SOX5: variants seen among roughly 807,000 people sequenced by gnomAD.
SOX5 encodes transcription factor SOX-5.
In SOX5, 9 loss-of-function variants were observed where a neutral mutation model predicts 92.0. The ratio of observed to expected loss-of-function variants is 0.10; its 90% CI spans 0.06 to 0.17. The LOEUF is 0.17. Among genes scored for constraint, SOX5 ranks in the 10% least tolerant of loss-of-function variants. The pLI is 1.00. For missense variants in SOX5, 642 were observed against 944.5 expected, an observed-to-expected ratio of 0.68 and a Z score of 4.20; for synonymous variants, 344 against 336.3, an observed-to-expected ratio of 1.02 and a Z score of -0.25.
chr12:24,228,111 G>C (rs1382936853), intron 3 of SOX5, among the ~76,000 whole-genome samples: 1 of 152,206 alleles, frequency 6.6e-6, no homozygotes, highest in African/African-American at 2.4e-5. Flanking sequence ...CCGGGTCTCA[G>C]AGAGAGCTCT....
intron 1 of SOX5, among the ~76,000 whole-genome samples, chr12:24,381,571 AT>A (rs1957828594): frequency 6.6e-6 from 1 of 152,204 alleles, no homozygotes; most frequent in Non-Finnish European, 1.5e-5. Flanking sequence ...TTCTAAAAAA[AT>A]CTCAATTAGT....
chr12:24,123,860 C>T (rs185738142), intron 4 of SOX5, among the ~76,000 whole-genome samples: 29 of 152,248 alleles, frequency 1.9e-4, no homozygotes, highest in Admixed American at 1.6e-3. Flanking sequence ...GTATTGAGCA[C>T]CAGGGTTGAG....
chr12:24,043,450 T>A (rs1000244451), intron 4 of SOX5, among the ~76,000 whole-genome samples: 2 of 152,220 alleles, frequency 1.3e-5, no homozygotes, highest in African/African-American at 4.8e-5. Context: ...TAAATATATA[T>A]GCTAATGTTT....
intron 4 of SOX5, among the ~76,000 whole-genome samples, chr12:24,120,567 G>A (rs756624493): frequency 3.3e-5 from 5 of 152,114 alleles, no homozygotes; most frequent in Non-Finnish European, 7.4e-5. Flanking sequence ...GGAAAGAAAT[G>A]GAGGAGATTG....
intron 3 of SOX5, among the ~76,000 whole-genome samples, chr12:24,268,937 G>A (rs1943355037): frequency 6.6e-6 from 1 of 152,142 alleles, no homozygotes; most frequent in Non-Finnish European, 1.5e-5. Flanking sequence ...CCATTAAAAT[G>A]TAACAGTGTG....
At chr12:24,289,477 G>A (rs1246284722) in intron 2 of SOX5, among the ~76,000 whole-genome samples, 8 of 114,904 alleles carry the variant, frequency 7.0e-5, no homozygotes, top group Non-Finnish European at 9.7e-5. Context: ...TTTTTGAGAC[G>A]GAGTCTCGCT....
At chr12:24,167,008 T>A (rs1953493167) in intron 4 of SOX5, among the ~76,000 whole-genome samples, 1 of 152,150 alleles carries the variant, frequency 6.6e-6, no homozygotes, top group African/African-American at 2.4e-5. Context: ...AAAATATGCT[T>A]TTGAAGGAAA....
At chr12:24,379,876 C>CTTTATT (rs1957649684) in intron 1 of SOX5, among the ~76,000 whole-genome samples, 1 of 139,718 alleles carries the variant, frequency 7.2e-6, no homozygotes, top group Admixed American at 7.2e-5. Context: ...CCAGAAGATT[C>CTTTATT]TTTTTTTTTT....
At chr12:24,278,624 C>T (rs1263952328) in intron 2 of SOX5, among the ~76,000 whole-genome samples, 1 of 152,026 alleles carries the variant, frequency 6.6e-6, no homozygotes, top group Non-Finnish European at 1.5e-5. Flanking sequence ...GGTGAGAGGA[C>T]TGCTTGAGTC....
At chr12:23,934,366 G>T (rs950636961) in intron 1 of SOX5, among the ~76,000 whole-genome samples, 1 of 150,032 alleles carries the variant, frequency 6.7e-6, no homozygotes, top group Non-Finnish European at 1.5e-5. Flanking sequence ...AAATATTCAT[G>T]TCAAAAATCA....
intron 1 of SOX5, among the ~76,000 whole-genome samples, chr12:24,398,383 G>A (rs1170188332): frequency 1.3e-5 from 2 of 152,076 alleles, no homozygotes; most frequent in Admixed American, 6.6e-5. Context: ...GTGTGCCTGT[G>A]GTCCCAGCTA....
intron 7 of SOX5, among the ~76,000 whole-genome samples, chr12:23,652,717 C>T (rs1018874115): frequency 1.3e-5 from 2 of 151,954 alleles, no homozygotes; most frequent in African/African-American, 4.8e-5. Flanking sequence ...CCCTCCACGG[C>T]CAATAAATCA....
chr12:23,945,128 AC>A (rs1944338173), intron 1 of SOX5, among the ~76,000 whole-genome samples: 1 of 152,132 alleles, frequency 6.6e-6, no homozygotes, highest in South Asian at 2.1e-4. Context: ...ATCAGCCTTT[AC>A]CCATGAATGT....
intron 2 of SOX5, 27 bp downstream of exon 2, chr12:23,895,766 A>C (rs747423204): frequency 6.7e-7 from 1 of 1,500,812 alleles, no homozygotes; most frequent in Non-Finnish European, 9.3e-7. Context: ...AAGTGAGTGT[A>C]GGCACAATAA....
At chr12:24,462,456 AAGATTT>A (rs2137502989) in intron 1 of SOX5, among the ~76,000 whole-genome samples, 1 of 152,326 alleles carries the variant, frequency 6.6e-6, no homozygotes, top group East Asian at 1.9e-4. Context: ...TTATATTGAA[AAGATTT>A]ATTGTTACTC....
At chr12:23,782,924 T>A (rs1347420803) in intron 3 of SOX5, among the ~76,000 whole-genome samples, 2 of 152,126 alleles carry the variant, frequency 1.3e-5, no homozygotes, top group Non-Finnish European at 2.9e-5. Context: ...ATAAGCTCTC[T>A]GATCATCAAA....
At chr12:24,260,926 A>C (rs938735430) in intron 3 of SOX5, among the ~76,000 whole-genome samples, 1 of 152,188 alleles carries the variant, frequency 6.6e-6, no homozygotes, top group South Asian at 2.1e-4. Context: ...GGGTCATTTA[A>C]TTCTACTTGT....
chr12:24,496,914 T>C (rs776905477), intron 1 of SOX5, among the ~76,000 whole-genome samples: 9 of 152,144 alleles, frequency 5.9e-5, no homozygotes, highest in Non-Finnish European at 1.3e-4. Flanking sequence ...CAAAAGCTCA[T>C]CTCCCCACTA....
chr12:23,710,816 A>G (rs542436314), intron 6 of SOX5, among the ~76,000 whole-genome samples: 203 of 152,290 alleles, frequency 1.3e-3, no homozygotes, highest in Non-Finnish European at 7.3e-5. Context: ...GAATCGCCAC[A>G]CTGTCTTCCA....
Sources: gnomAD v4.1 joint callset for allele counts (sites outside exome capture counted in the v4.1 genomes callset) on GRCh38, gnomAD v4.1.1 for gene constraint, MANE v1.5 for transcripts, NCBI Gene and HGNC (gene_info 2026-07-23, HGNC 2026-07-21) for gene names.